The following BBS9 variants were observed in gnomAD, a reference collection of about 807,000 sequenced individuals.
The protein encoded by BBS9 is protein PTHB1.
In BBS9, 89 loss-of-function variants were observed where a neutral mutation model predicts 117.7. The observed-to-expected ratio is 0.76, with a 90% CI of 0.64 to 0.90. BBS9 has a LOEUF of 0.90. Ranked by LOEUF, BBS9 falls within the 40% of genes least tolerant of loss-of-function variation. The probability of loss-of-function intolerance (pLI) is 0.00; values close to 1 mark genes in which losing one functional copy is unlikely to be tolerated. For missense variants in BBS9, 982 were observed against 1,042.2 expected, an observed-to-expected ratio of 0.94 and a Z score of 0.80; for synonymous variants, 379 against 370.9, an observed-to-expected ratio of 1.02 and a Z score of -0.25.
At chr7:33,247,379 G>T (rs527393255) in intron 5 of BBS9, among the ~76,000 whole-genome samples, 6 of 152,182 alleles carry the variant, frequency 3.9e-5, no homozygotes, top group Admixed American at 3.3e-4. Context: ...CAGCAAACTT[G>T]TCCTCAAGTT....
chr7:33,592,706 A>G (rs374633050), intron 21 of BBS9, among the ~76,000 whole-genome samples: 4 of 152,244 alleles, frequency 2.6e-5, no homozygotes, highest in Middle Eastern at 3.4e-3. Flanking sequence ...AGACTCTGTC[A>G]TTATTAAAAA....
intron 5 of BBS9, among the ~76,000 whole-genome samples, chr7:33,228,182 A>G (rs1320315952): frequency 6.6e-6 from 1 of 152,050 alleles, no homozygotes; most frequent in Admixed American, 6.6e-5. Context: ...TGTAGAAATA[A>G]GGTGCTATAT....
In BBS9 at chr7:33,421,098, T is replaced by C. The variant is rs139914796; in HGVS notation, c.2115+32954T>C. On this transcript the variant is annotated intron_variant, in intron 19 of 22. Coordinates refer to ENST00000242067, the MANE Select transcript of BBS9 (RefSeq NM_198428.3). ...AGTAAAGGAGTAGAAATGGAAGGATTGATCATTAGATAAAGCAGGTTTAAG... is the reference window on the plus strand; with the variant it reads ...AGTAAAGGAGTAGAAATGGAAGGATCGATCATTAGATAAAGCAGGTTTAAG... 4.8e-3 allele frequency among the ~76,000 whole-genome samples: 732 copies of C among 152,328 alleles called. 6 individuals are homozygous for C. Among genetic ancestry groups the C allele is most frequent in the African/African-American group, 0.017 (704 of 41,582 alleles).
At chr7:33,451,298 C>T (rs1333247795) in intron 19 of BBS9, among the ~76,000 whole-genome samples, 1 of 152,144 alleles carries the variant, frequency 6.6e-6, no homozygotes. Context: ...AGCTTTTCCC[C>T]TATGTTTTCT....
chr7:33,400,913 A>T (rs1828801085), intron 19 of BBS9, among the ~76,000 whole-genome samples: 1 of 152,218 alleles, frequency 6.6e-6, no homozygotes, highest in African/African-American at 2.4e-5. Context: ...TGAACATTTG[A>T]CCTTAAGTGG....
intron 6 of BBS9, 107 bp downstream of exon 6, chr7:33,257,517 G>T (rs1797283226): frequency 9.8e-7 from 1 of 1,019,792 alleles, no homozygotes; most frequent in Non-Finnish European, 1.5e-6. Flanking sequence ...AAAGAGATCG[G>T]TTTCTTTGAA....
intron 4 of BBS9, among the ~76,000 whole-genome samples, chr7:33,158,589 G>T (rs1794408145): frequency 6.6e-6 from 1 of 152,110 alleles, no homozygotes; most frequent in South Asian, 2.1e-4. Flanking sequence ...CATTTAAGAT[G>T]TATCAGTGCA....
intron 1 of BBS9, among the ~76,000 whole-genome samples, chr7:33,139,926 T>C (rs1436150430): frequency 6.6e-6 from 1 of 151,826 alleles, no homozygotes; most frequent in South Asian, 2.1e-4. Context: ...ACTCCCTTTT[T>C]CTAGATACAT....
intron 9 of BBS9, among the ~76,000 whole-genome samples, chr7:33,331,661 CAAA>C (rs34096023): frequency 8.6e-6 from 1 of 116,762 alleles, no homozygotes; most frequent in Non-Finnish European, 1.8e-5. Flanking sequence ...TTACAACTGC[CAAA>C]AAAAAAAAAA....
chr7:33,223,727 G>T (rs576740170), intron 5 of BBS9, among the ~76,000 whole-genome samples: 1 of 151,724 alleles, frequency 6.6e-6, no homozygotes, highest in South Asian at 2.1e-4. Context: ...GATCAAAGAA[G>T]ACTTCCTTTA....
chr7:33,494,309 A>T (rs1381140651), intron 19 of BBS9, among the ~76,000 whole-genome samples: 1 of 152,202 alleles, frequency 6.6e-6, no homozygotes, highest in Non-Finnish European at 1.5e-5. Flanking sequence ...CCCAAATGTC[A>T]TTAACGAGGA....
At chr7:33,325,121 T>A (rs1812575820) in intron 9 of BBS9, among the ~76,000 whole-genome samples, 1 of 152,206 alleles carries the variant, frequency 6.6e-6, no homozygotes, top group Admixed American at 6.5e-5. Context: ...AGATTTACCT[T>A]TTTGAGGCTA....
intron 5 of BBS9, among the ~76,000 whole-genome samples, chr7:33,241,221 C>A (rs1165454016): frequency 6.6e-6 from 1 of 151,942 alleles, no homozygotes; most frequent in African/African-American, 2.4e-5. Context: ...GAGGGGAGGG[C>A]AAGGAGAAGA....
chr7:33,567,306 A>G (rs1167260203), intron 21 of BBS9, among the ~76,000 whole-genome samples: 1 of 152,132 alleles, frequency 6.6e-6, no homozygotes. Flanking sequence ...TGCATATTCC[A>G]TATATCTCCC....
rs928208824 is a variant in BBS9, at chr7:33,549,520, G to C, written c.2521+15344G>C. Among the ~76,000 whole-genome samples, 5 of 150,588 alleles carry C rather than the reference G, an allele frequency of 3.3e-5. No homozygotes were observed. The South Asian group carries it at 6.4e-4, about 19-fold the overall frequency. On this transcript the variant is annotated intron_variant, in intron 21 of 22. Transcript: ENST00000242067. ...ACAAAATGGGAGAAAATTTTCGCAAGCTACTCATCTGACAAAGGGCTAATA... is the reference window on the plus strand; with the variant it reads ...ACAAAATGGGAGAAAATTTTCGCAACCTACTCATCTGACAAAGGGCTAATA...
At chr7:33,288,193 T>G (rs1408264500) in intron 9 of BBS9, among the ~76,000 whole-genome samples, 1 of 152,198 alleles carries the variant, frequency 6.6e-6, no homozygotes, top group African/African-American at 2.4e-5. Context: ...CTTTGGTTTC[T>G]TATAAAAGGC....
chr7:33,424,008 G>A (rs1833262252), intron 19 of BBS9, among the ~76,000 whole-genome samples: 3 of 152,152 alleles, frequency 2.0e-5, no homozygotes, highest in South Asian at 2.1e-4. Flanking sequence ...CAGCTACTCA[G>A]TGGCATTTTT....
rs1223076470 is a variant in BBS9, at chr7:33,180,214, C to A, written c.442+2623C>A. 2.0e-5 allele frequency among the ~76,000 whole-genome samples: 3 copies of A among 152,152 alleles called. No homozygotes were observed. In the East Asian group the frequency reaches 5.8e-4, roughly 29 times the overall value. On this transcript the variant is annotated intron_variant, in intron 5 of 22. Transcript: ENST00000242067. ...AATTAGCTTAGACTGTGTGGTCCAA[C>A]CCTAGCCAATAGGGGAACAACACAG...
At position 33,344,567 on chromosome 7, in the gene BBS9, T is replaced by C; in HGVS notation, c.1276-14T>C. ...ACATCATTCTTTCTTGCCTTCTCAA[T>C]TCTGTGTTTACAGCAAGCGACCGAT... On this transcript the variant is annotated splice_polypyrimidine_tract_variant and intron_variant, in intron 11 of 22. Transcript: ENST00000242067. The C allele has an allele frequency of 6.2e-7, 1 of 1,613,788 alleles. No homozygotes were observed. Among genetic ancestry groups the C allele is most frequent in the Non-Finnish European group, 8.5e-7 (1 of 1,179,670 alleles).
Sources: gnomAD v4.1 joint callset for allele counts (sites outside exome capture counted in the v4.1 genomes callset) on GRCh38, gnomAD v4.1.1 for gene constraint, MANE v1.5 for transcripts, NCBI Gene and HGNC (gene_info 2026-07-23, HGNC 2026-07-21) for gene names.